ADAMTS14: variants seen among roughly 807,000 people sequenced by gnomAD.
ADAMTS14 encodes the protein ADAM metallopeptidase with thrombospondin type 1 motif 14.
ADAMTS14 carries 100 observed loss-of-function variants against 128.6 expected under a neutral mutation model. That is an observed-to-expected ratio of 0.78 (90% CI 0.66 to 0.92). The LOEUF is 0.92. Among genes scored for constraint, ADAMTS14 ranks in the 40% least tolerant of loss-of-function variants. The pLI is 0.00. For missense variants in ADAMTS14, 1,562 were observed against 1,658.6 expected, an observed-to-expected ratio of 0.94 and a Z score of 1.01; for synonymous variants, 665 against 653.8, an observed-to-expected ratio of 1.02 and a Z score of -0.26.
chr10:70,736,828 T>A (rs764493279), intron 10 of ADAMTS14, 35 bp downstream of exon 10: 1 of 1,591,898 alleles, frequency 6.3e-7, no homozygotes, highest in East Asian at 2.2e-5. Flanking sequence ...GTGGCCTTCC[T>A]GGGGTGCAGG....
At chr10:70,711,383 A>G (rs1840851854) in intron 4 of ADAMTS14, among the ~76,000 whole-genome samples, 1 of 152,196 alleles carries the variant, frequency 6.6e-6, no homozygotes, top group Non-Finnish European at 1.5e-5. Context: ...GATGATCACT[A>G]CACGTTAGAG....
intron 9 of ADAMTS14, 119 bp downstream of exon 9, chr10:70,735,420 G>A (rs1010672538): frequency 7.2e-7 from 1 of 1,392,822 alleles, no homozygotes; most frequent in Non-Finnish European, 9.6e-7. Flanking sequence ...CTGGTGATGG[G>A]CCCACAGACA....
At chr10:70,737,379 T>C (rs1841860046) in intron 10 of ADAMTS14, among the ~76,000 whole-genome samples, 1 of 152,216 alleles carries the variant, frequency 6.6e-6, no homozygotes, top group South Asian at 2.1e-4. Context: ...CCTTGATCAC[T>C]GTGGTGACCT....
intron 2 of ADAMTS14, among the ~76,000 whole-genome samples, chr10:70,677,144 A>T (rs941043685): frequency 2.0e-5 from 3 of 152,188 alleles, no homozygotes; most frequent in African/African-American, 7.2e-5. Flanking sequence ...GGGACCAGGG[A>T]GGGCCCTGAA....
chr10:70,693,652 T>C (rs1327560552), intron 2 of ADAMTS14, among the ~76,000 whole-genome samples: 1 of 152,210 alleles, frequency 6.6e-6, no homozygotes, highest in Non-Finnish European at 1.5e-5. Context: ...AGGAACTCTC[T>C]GGCTCTAGGG....
rs1842631207 is a variant in ADAMTS14 at position 70,762,418 on chromosome 10, TAACATC to T, written c.*1566_*1571del. 6.6e-6 allele frequency: 1 copy of T among 152,306 alleles called. No individual in the cohort carries two copies. The highest frequency in any genetic ancestry group is 6.5e-5 in the Admixed American group (1 of 15,292). The allele number at this position is 152,306 out of a possible 1,614,324, so 9.4% of individuals were successfully genotyped here. ...GATCTTTAAAATTTTATGTATTTAT[TAACATC>T]GCCATTGGACCCCAAAAGGTTGTGT... On this transcript the variant is annotated 3_prime_UTR_variant, in exon 22 of 22. Coordinates refer to ENST00000373207, the MANE Select transcript of ADAMTS14 (RefSeq NM_080722.4).
chr10:70,743,745 C>T (rs1014156544), intron 13 of ADAMTS14, 64 bp downstream of exon 13: 6 of 1,476,078 alleles, frequency 4.1e-6, no homozygotes, highest in Non-Finnish European at 5.4e-6. Context: ...CACTGTAGCC[C>T]CTCCTGCCTG....
chr10:70,736,774 CT>C lies in ADAMTS14; in HGVS notation c.1581del (p.Glu528SerfsTer65). 3 of 1,613,794 alleles carry C rather than the reference CT, an allele frequency of 1.9e-6. No individual in the cohort carries two copies. Among genetic ancestry groups the C allele is most frequent in the Non-Finnish European group, 2.5e-6 (3 of 1,179,796 alleles). On this transcript the variant is annotated frameshift_variant, in exon 10 of 22. Transcript: ENST00000373207. LOFTEE classifies it high-confidence loss of function. The stretch of plus-strand genomic sequence containing the variant: ...AAGAAGGGGCCCCCGCTGGATGGGA[CT>C]GAGTGTGCACCCGGCAAGGTACCTG... ...KTKKGPPLDG[T>X]ECAPGKWCFK...
In ADAMTS14 at chr10:70,761,060, T is replaced by G; in HGVS notation, c.*207T>G. The G allele has an allele frequency of 1.3e-6, 1 of 752,870 alleles. No homozygotes were observed. Among genetic ancestry groups the G allele is most frequent in the Non-Finnish European group, 2.0e-6 (1 of 508,494 alleles). The allele number at this position is 752,870 out of a possible 1,614,324, so 46.6% of individuals were successfully genotyped here. A position where few individuals can be genotyped will look rare whatever the true frequency, so the allele number is the denominator to read the frequency against. The stretch of plus-strand genomic sequence containing the variant: ...GATCAGGGAAAGCCCTAATCGGAGA[T>G]ACCTCAGCAAGCTGCCCCCGGCGGG... On this transcript the variant is annotated 3_prime_UTR_variant, in exon 22 of 22. Transcript: ENST00000373207.
At chr10:70,718,752 G>T (rs1051078097) in intron 4 of ADAMTS14, among the ~76,000 whole-genome samples, 2 of 151,834 alleles carry the variant, frequency 1.3e-5, no homozygotes, top group African/African-American at 4.8e-5. Flanking sequence ...TGCAATCATG[G>T]CTCACTGCAG....
intron 4 of ADAMTS14, among the ~76,000 whole-genome samples, chr10:70,711,259 C>G (rs1840847749): frequency 6.6e-6 from 1 of 152,262 alleles, no homozygotes. Flanking sequence ...ACAACGCTGA[C>G]TCCTATCCCC....
chr10:70,716,658 C>T (rs375376398), intron 4 of ADAMTS14, among the ~76,000 whole-genome samples: 1 of 152,208 alleles, frequency 6.6e-6, no homozygotes, highest in East Asian at 1.9e-4. Flanking sequence ...TTGCATTCCC[C>T]TTGGAACACC....
intron 14 of ADAMTS14, 77 bp from the exon 15 acceptor site, chr10:70,745,149 T>G: frequency 7.3e-7 from 1 of 1,372,766 alleles, no homozygotes; most frequent in Non-Finnish European, 1.0e-6. Context: ...GGGTGCCCAG[T>G]GAGGGAGTGG....
intron 4 of ADAMTS14, among the ~76,000 whole-genome samples, chr10:70,721,361 AT>A (rs1841257463): frequency 6.7e-6 from 1 of 149,074 alleles, no homozygotes; most frequent in East Asian, 2.0e-4. Context: ...TTAGGTCTTT[AT>A]CATATGTTAC....
intron 2 of ADAMTS14, among the ~76,000 whole-genome samples, chr10:70,675,568 C>G (rs1005015144): frequency 1.3e-5 from 2 of 152,244 alleles, no homozygotes; most frequent in Admixed American, 1.3e-4. Flanking sequence ...TTCCTCTTCT[C>G]CTCCCTGTCT....
chr10:70,708,860 C>A, intron 4 of ADAMTS14, 82 bp downstream of exon 4: 2 of 1,132,384 alleles, frequency 1.8e-6, no homozygotes, highest in East Asian at 5.5e-5. Flanking sequence ...CAGTGCTGAT[C>A]CAAGTGGAAG....
intron 2 of ADAMTS14, among the ~76,000 whole-genome samples, chr10:70,694,761 T>C (rs1840285987): frequency 6.6e-6 from 1 of 152,248 alleles, no homozygotes; most frequent in East Asian, 1.9e-4. Context: ...GCTATATATA[T>C]ATAGTTTGTT....
At position 70,741,099 on chromosome 10, in the gene ADAMTS14, C is replaced by T. The variant is rs200400278; in HGVS notation, c.1861C>T (p.Arg621Cys). 154 of 1,613,862 alleles carry T rather than the reference C, an allele frequency of 9.5e-5. No individual in the cohort carries two copies. Among genetic ancestry groups the T allele is most frequent in the Non-Finnish European group, 8.3e-5 (98 of 1,180,002 alleles). Residue 621 changes from arginine to cysteine, a missense_variant, in exon 12 of 22, where the codon CGC becomes TGC. Physicochemically the swap from Arg to Cys is radical, Grantham distance 180. Coordinates refer to ENST00000373207, the MANE Select transcript of ADAMTS14 (RefSeq NM_080722.4). ...CTTCCGGGCCCAGCAGTGTGCCAAGCGCAACTCCTACTATGTGCACCAGAA... is the reference window on the plus strand; with the variant it reads ...CTTCCGGGCCCAGCAGTGTGCCAAGTGCAACTCCTACTATGTGCACCAGAA... ...EDFRAQQCAK[R>C]NSYYVHQNAK...
chr10:70,699,865 T>C (rs1840442661), intron 2 of ADAMTS14, among the ~76,000 whole-genome samples: 1 of 152,134 alleles, frequency 6.6e-6, no homozygotes, highest in South Asian at 2.1e-4. Context: ...GCTAGGCAGC[T>C]TGAGAGGCGT....
Sources: gnomAD v4.1 joint callset for allele counts (sites outside exome capture counted in the v4.1 genomes callset) on GRCh38, gnomAD v4.1.1 for gene constraint, MANE v1.5 for transcripts, NCBI Gene and HGNC (gene_info 2026-07-23, HGNC 2026-07-21) for gene names.